IPO7: variants seen among roughly 807,000 people sequenced by gnomAD.
IPO7 encodes importin-7.
A neutral mutation model predicts 136.4 loss-of-function variants in IPO7; 13 were observed. The observed-to-expected ratio is 0.10, with a 90% CI of 0.06 to 0.15. IPO7 has a LOEUF of 0.15. Among genes scored for constraint, IPO7 ranks in the 10% least tolerant of loss-of-function variants. The pLI, the probability that IPO7 is intolerant of heterozygous loss-of-function variation, is 1.00. For missense variants in IPO7, 857 were observed against 1,240.6 expected (o/e 0.69, Z 4.65); for synonymous variants, 403 against 404.4 (o/e 1.00, Z 0.04).
At position 9,438,075 on chromosome 11, in the gene IPO7, TTTAG is replaced by T; in HGVS notation, c.2490-4_2490-1del. The T allele has an allele frequency of 7.8e-7, 1 of 1,275,320 alleles. No individual in the cohort carries two copies. The highest frequency in any genetic ancestry group is 1.1e-6 in the Non-Finnish European group (1 of 919,158). 79.0% of individuals were successfully genotyped at this position (1,275,320 alleles called of 1,614,324 possible). On this transcript the variant is annotated splice_acceptor_variant and splice_polypyrimidine_tract_variant and intron_variant, in intron 21 of 24. Transcript: ENST00000379719. LOFTEE classifies it high-confidence loss of function. The stretch of plus-strand genomic sequence containing the variant: ...TTTTTTTTTTTTTTTTTTTTTTTTT[TTTAG>T]GCTTCATGACAGAAAGATGTGTGTT...
At chr11:9,441,617 G>T (rs1277320425) in intron 23 of IPO7, among the ~76,000 whole-genome samples, 1 of 152,198 alleles carries the variant, frequency 6.6e-6, no homozygotes, top group African/African-American at 2.4e-5. Flanking sequence ...TGATTGAGGT[G>T]CCAAACTTGT....
intron 12 of IPO7, among the ~76,000 whole-genome samples, chr11:9,427,116 C>T (rs890029952): frequency 7.2e-5 from 11 of 152,120 alleles, no homozygotes; most frequent in Non-Finnish European, 5.9e-5. Flanking sequence ...TCCCAAAGTG[C>T]CAGGATTACA....
intron 22 of IPO7, 75 bp downstream of exon 22, chr11:9,438,360 C>G: frequency 1.1e-6 from 1 of 928,356 alleles, no homozygotes; most frequent in Non-Finnish European, 1.7e-6. Context: ...GGCGCAGTGG[C>G]TCAGGCCTGT....
chr11:9,406,034 A>G (rs1198671246), intron 2 of IPO7, among the ~76,000 whole-genome samples: 2 of 146,180 alleles, frequency 1.4e-5, no homozygotes, highest in Non-Finnish European at 3.0e-5. Flanking sequence ...GGCTGCAGGC[A>G]TGTGTCACTA....
intron 2 of IPO7, among the ~76,000 whole-genome samples, chr11:9,406,132 T>TTA (rs1554953417): frequency 2.7e-5 from 4 of 145,794 alleles, no homozygotes; most frequent in African/African-American, 7.6e-5. Flanking sequence ...TTTTTTTTTT[T>TTA]AGTAGAGACG....
At chr11:9,438,046 T>TG (rs1855405409) in intron 21 of IPO7, 34 bp from the exon 22 acceptor site, 3 of 125,930 alleles carry the variant, frequency 2.4e-5, no homozygotes, top group Non-Finnish European at 3.0e-5. Flanking sequence ...AAGAAAACAG[T>TG]TTTTTTTTTT....
chr11:9,412,236 T>C (rs1335913202), intron 4 of IPO7, among the ~76,000 whole-genome samples: 1 of 152,220 alleles, frequency 6.6e-6, no homozygotes, highest in Non-Finnish European at 1.5e-5. Context: ...TTTTTATTCC[T>C]GGTGATTTAC....
At chr11:9,386,915 A>T (rs952813943) in intron 1 of IPO7, among the ~76,000 whole-genome samples, 5 of 152,104 alleles carry the variant, frequency 3.3e-5, no homozygotes, top group African/African-American at 1.2e-4. Context: ...CAATTATAAC[A>T]CCTAGATTTT....
chr11:9,394,793 A>G (rs1211625006), intron 1 of IPO7, among the ~76,000 whole-genome samples: 1 of 152,146 alleles, frequency 6.6e-6, no homozygotes, highest in Non-Finnish European at 1.5e-5. Context: ...TGTCAGTACT[A>G]GTAAGTAGAA....
At position 9,430,859 on chromosome 11, in the gene IPO7, A is replaced by G. The variant is rs1284972257; in HGVS notation, c.1753-16A>G. ...TGCTTCAGTGACAAACTTGAGTTAT[A>G]TTCTCTTGAATCTAGGCAATGACAT... On this transcript the variant is annotated splice_polypyrimidine_tract_variant and intron_variant, in intron 15 of 24. Coordinates refer to ENST00000379719, the MANE Select transcript of IPO7 (RefSeq NM_006391.3). 4 of 1,608,894 alleles carry G rather than the reference A, an allele frequency of 2.5e-6. No individual in the cohort carries two copies. Among genetic ancestry groups the G allele is most frequent in the African/African-American group, 2.7e-5 (2 of 74,818 alleles).
chr11:9,388,678 C>A (rs529765751), intron 1 of IPO7, among the ~76,000 whole-genome samples: 1 of 151,444 alleles, frequency 6.6e-6, no homozygotes, highest in South Asian at 2.1e-4. Flanking sequence ...AAGGTTTCAC[C>A]GTGTTGCCCA....
intron 4 of IPO7, among the ~76,000 whole-genome samples, chr11:9,411,715 A>G (rs557835423): frequency 8.6e-4 from 131 of 152,308 alleles, no homozygotes; most frequent in Non-Finnish European, 1.7e-3. Flanking sequence ...GCAGTTTGAC[A>G]CATCACAGCC....
intron 1 of IPO7, among the ~76,000 whole-genome samples, chr11:9,395,227 G>A (rs1854691521): frequency 6.6e-6 from 1 of 151,976 alleles, no homozygotes; most frequent in African/African-American, 2.4e-5. Context: ...TTTTAATTAA[G>A]CTTATTTTAT....
rs796768297 is a variant in IPO7, at chr11:9,444,432, C to T, written c.3020-665C>T. Reference sequence around the variant, plus strand: ...AGGCTGGAGTGCAGTGGTGCAATCTCGGCTCACTGCCACCTCCATCTCCCG... The same window carrying T: ...AGGCTGGAGTGCAGTGGTGCAATCTTGGCTCACTGCCACCTCCATCTCCCG... On this transcript the variant is annotated intron_variant, in intron 24 of 24. Coordinates refer to ENST00000379719, the MANE Select transcript of IPO7 (RefSeq NM_006391.3). 4.6e-5 allele frequency among the ~76,000 whole-genome samples: 7 copies of T among 151,720 alleles called. No individual in the cohort carries two copies. The East Asian group carries it at 1.0e-3, about 22-fold the overall frequency.
chr11:9,417,519 AT>A (rs979210187), intron 6 of IPO7, among the ~76,000 whole-genome samples: 74 of 152,196 alleles, frequency 4.9e-4, no homozygotes, highest in Admixed American at 1.4e-3. Flanking sequence ...TGATTTACAG[AT>A]TGGCCAACTT....
intron 2 of IPO7, among the ~76,000 whole-genome samples, chr11:9,403,930 C>T (rs775636731): frequency 1.3e-5 from 2 of 152,048 alleles, no homozygotes; most frequent in Admixed American, 6.6e-5. Context: ...GGTGCGAACT[C>T]GGCTCTCTGC....
chr11:9,418,153 C>G (rs1855068921), intron 6 of IPO7, among the ~76,000 whole-genome samples: 1 of 151,828 alleles, frequency 6.6e-6, no homozygotes, highest in Non-Finnish European at 1.5e-5. Flanking sequence ...TCACTGCAAC[C>G]TCTGCCTCCC....
At chr11:9,443,650 C>G (rs1460076435) in intron 24 of IPO7, among the ~76,000 whole-genome samples, 1 of 149,884 alleles carries the variant, frequency 6.7e-6, no homozygotes, top group African/African-American at 2.4e-5. Context: ...TGCCTGTAAT[C>G]CCAGCACTTT....
At chr11:9,397,333 T>TAAAAAAAAAAAAAAAAAAA (rs1238499611) in intron 1 of IPO7, among the ~76,000 whole-genome samples, 1 of 52,926 alleles carries the variant, frequency 1.9e-5, no homozygotes, top group African/African-American at 7.9e-5. Flanking sequence ...AAAAATAATT[T>TAAAAAAAAAAAAAAAAAAA]AAAAAAAAAT....
Sources: gnomAD v4.1 joint callset for allele counts (sites outside exome capture counted in the v4.1 genomes callset) on GRCh38, gnomAD v4.1.1 for gene constraint, MANE v1.5 for transcripts, NCBI Gene and HGNC (gene_info 2026-07-23, HGNC 2026-07-21) for gene names.